PPP2R2C: variants seen among roughly 807,000 people sequenced by gnomAD.
PPP2R2C encodes protein phosphatase 2 regulatory subunit Bgamma.
PPP2R2C carries 10 observed loss-of-function variants against 45.3 expected under a neutral mutation model. The ratio of observed to expected loss-of-function variants is 0.22; its 90% CI spans 0.14 to 0.37. The LOEUF is 0.37. Ranked by LOEUF, PPP2R2C falls within the 10% of genes least tolerant of loss-of-function variation. The pLI, the probability that PPP2R2C is intolerant of heterozygous loss-of-function variation, is 1.00. For missense variants in PPP2R2C, 308 were observed against 619.7 expected (o/e 0.50, Z 5.34); for synonymous variants, 257 against 245.4 (o/e 1.05, Z -0.44).
chr4:6,442,373 T>G (rs935154253), intron 1 of PPP2R2C, among the ~76,000 whole-genome samples: 3 of 152,172 alleles, frequency 2.0e-5, no homozygotes, highest in African/African-American at 7.2e-5. Flanking sequence ...TTAGGAACAA[T>G]GTACTTGGAC....
intron 5 of PPP2R2C, among the ~76,000 whole-genome samples, chr4:6,355,209 A>ATG (rs1553887154): frequency 6.6e-6 from 1 of 151,674 alleles, no homozygotes; most frequent in Non-Finnish European, 1.5e-5. Flanking sequence ...TGCTGACTGA[A>ATG]TGAATGAATC....
At chr4:6,441,457 C>T (rs529590218) in intron 1 of PPP2R2C, among the ~76,000 whole-genome samples, 1 of 152,278 alleles carries the variant, frequency 6.6e-6, no homozygotes, top group South Asian at 2.1e-4. Context: ...TGGTTCCCAG[C>T]CTGCAAGTCA....
rs555421590 is a variant in PPP2R2C, at chr4:6,364,417, C to T, written c.625+8106G>A. Among the ~76,000 whole-genome samples the T allele has an allele frequency of 1.1e-4, 17 of 151,566 alleles. No individual in the cohort carries two copies. The highest frequency in any genetic ancestry group is 2.9e-4 in the African/African-American group (12 of 41,254). On this transcript the variant is annotated intron_variant, in intron 5 of 8. Coordinates refer to ENST00000382599, the MANE Select transcript of PPP2R2C (RefSeq NM_020416.4). The surrounding 1 kb of genome is among the most constrained non-coding windows in gnomAD (Gnocchi z 5.3). Reference sequence around the variant, plus strand: ...GGGCCTTGGAGGCCAGAGAAAGGGGCGGAGTTACTTCCAGTTGGGAGAAGT... The same window carrying T: ...GGGCCTTGGAGGCCAGAGAAAGGGGTGGAGTTACTTCCAGTTGGGAGAAGT...
At chr4:6,501,742 T>C (rs1214257300) in intron 2 of PPP2R2C, among the ~76,000 whole-genome samples, 1 of 152,184 alleles carries the variant, frequency 6.6e-6, no homozygotes, top group Non-Finnish European at 1.5e-5. Flanking sequence ...GCCTTCCAGA[T>C]ACTCACTCTC....
intron 1 of PPP2R2C, among the ~76,000 whole-genome samples, chr4:6,449,998 C>T (rs756020372): frequency 2.0e-5 from 3 of 152,202 alleles, no homozygotes; most frequent in Admixed American, 6.5e-5. Context: ...TTCTAGGATT[C>T]CCTCCTAATT....
chr4:6,376,967 G>T (rs1164564832), intron 3 of PPP2R2C, among the ~76,000 whole-genome samples: 1 of 152,234 alleles, frequency 6.6e-6, no homozygotes, highest in East Asian at 1.9e-4. Context: ...CAGAGAGGGG[G>T]TGAACCGGAG....
chr4:6,480,957 C>T (rs1722327148), intron 2 of PPP2R2C, among the ~76,000 whole-genome samples: 1 of 152,210 alleles, frequency 6.6e-6, no homozygotes, highest in Non-Finnish European at 1.5e-5. Flanking sequence ...TTCGATGAAT[C>T]GCCTGTCTTT....
chr4:6,367,499 C>T (rs1343530282), intron 5 of PPP2R2C, among the ~76,000 whole-genome samples: 2 of 152,168 alleles, frequency 1.3e-5, no homozygotes, highest in East Asian at 3.9e-4. Flanking sequence ...AACTGTCACC[C>T]TCTGACAGCC....
intron 1 of PPP2R2C, among the ~76,000 whole-genome samples, chr4:6,387,581 C>A (rs1351854817): frequency 6.6e-6 from 1 of 152,066 alleles, no homozygotes; most frequent in African/African-American, 2.4e-5. Context: ...GAGTCCAAGC[C>A]GGGTGGATCA....
In PPP2R2C at chr4:6,472,210, G is replaced by T. The variant is rs1489153323; in HGVS notation, c.20C>A (p.Thr7Lys). 1 of 1,613,220 alleles carries T rather than the reference G, an allele frequency of 6.2e-7. No homozygotes were observed. Among genetic ancestry groups the T allele is most frequent in the Admixed American group, 1.7e-5 (1 of 59,968 alleles). The change falls in exon 1 of 9, where the codon ACG becomes AAG. Residue 7 changes from threonine to lysine, a missense_variant. Thr to Lys is a moderately conservative substitution (Grantham distance 78). Coordinates refer to ENST00000382599, the MANE Select transcript of PPP2R2C (RefSeq NM_020416.4). The part of the protein sequence containing the change: MGEDTD[T>K]RKINHSFLRD... ...CAGGAAGCTGTGGTTAATTTTCCGC[G>T]TGTCCGTGTCCTCGCCCATTGAAGG...
intron 1 of PPP2R2C, among the ~76,000 whole-genome samples, chr4:6,405,166 G>A (rs1717712134): frequency 1.3e-5 from 2 of 152,194 alleles, no homozygotes; most frequent in South Asian, 4.1e-4. Context: ...AGCCCCCCTG[G>A]AAGGTAGCTG....
chr4:6,415,112 TCA>T (rs1718484449), intron 1 of PPP2R2C, among the ~76,000 whole-genome samples: 1 of 152,246 alleles, frequency 6.6e-6, no homozygotes, highest in African/African-American at 2.4e-5. Context: ...AGCCGCTGCC[TCA>T]CAGTGCATGC....
chr4:6,442,946 C>T (rs1720225937), intron 1 of PPP2R2C, among the ~76,000 whole-genome samples: 1 of 152,240 alleles, frequency 6.6e-6, no homozygotes, highest in Non-Finnish European at 1.5e-5. Context: ...TTCCCCCCAT[C>T]ACAGCTAAGG....
intron 1 of PPP2R2C, among the ~76,000 whole-genome samples, chr4:6,438,165 C>T (rs528026840): frequency 6.6e-6 from 1 of 152,344 alleles, no homozygotes; most frequent in East Asian, 1.9e-4. Flanking sequence ...CATTTAACAA[C>T]CCCACTCACC....
chr4:6,536,744 C>G (rs12505462), intron 1 of PPP2R2C, among the ~76,000 whole-genome samples: 127,918 of 152,304 alleles, frequency 0.84, 53,892 homozygotes, highest in East Asian at 1. Flanking sequence ...TCTCACTCTT[C>G]TGTCAAGAAC....
At chr4:6,361,121 C>A (rs908771576) in intron 5 of PPP2R2C, among the ~76,000 whole-genome samples, 1 of 152,200 alleles carries the variant, frequency 6.6e-6, no homozygotes, top group African/African-American at 2.4e-5. Context: ...GAGACACAAT[C>A]TAGCCTGTAA....
chr4:6,347,889 G>C lies in PPP2R2C; in HGVS notation c.747C>G (p.Leu249=). 3 of 1,613,216 alleles carry C rather than the reference G, an allele frequency of 1.9e-6. No homozygotes were observed. Among genetic ancestry groups the C allele is most frequent in the Non-Finnish European group, 2.5e-6 (3 of 1,179,724 alleles). The change falls in exon 6 of 9, where the codon CTC becomes CTG. Residue 249 remains leucine (L), a synonymous_variant. Coordinates refer to ENST00000382599, the MANE Select transcript of PPP2R2C (RefSeq NM_020416.4). ...VYSSSKGSLR[L]CDMRAAALCD... is the part of the protein sequence containing the mutation. The stretch of plus-strand genomic sequence containing the variant: ...ACAGGGCAGCTGCCCGCATGTCGCA[G>C]AGCCGCAGGGAGCCCTTGCTGCTGC...
intron 1 of PPP2R2C, among the ~76,000 whole-genome samples, chr4:6,551,507 C>T (rs1413666661): frequency 1.3e-5 from 2 of 152,246 alleles, no homozygotes; most frequent in African/African-American, 4.8e-5. Context: ...GCCTCCTCCT[C>T]TTGAGTCTGG....
At chr4:6,393,525 G>C (rs1560510992) in intron 1 of PPP2R2C, among the ~76,000 whole-genome samples, 2 of 152,246 alleles carry the variant, frequency 1.3e-5, no homozygotes, top group African/African-American at 4.8e-5. Flanking sequence ...CCCCAGAAGA[G>C]AGTGAGAAGG....
Sources: allele counts gnomAD v4.1 joint callset (sites outside exome capture counted in the v4.1 genomes callset), GRCh38; gene constraint gnomAD v4.1.1; non-coding constraint Gnocchi (gnomAD v3.1); transcripts MANE v1.5; gene names NCBI Gene and HGNC (gene_info 2026-07-23, HGNC 2026-07-21).